Variants in SESTD1 observed in about 807,000 individuals in gnomAD.
The protein encoded by SESTD1 is SEC14 and spectrin domain containing 1.
In SESTD1, 43 loss-of-function variants were observed where a neutral mutation model predicts 101.7. The observed-to-expected ratio is 0.42, with a 90% CI of 0.33 to 0.55. The LOEUF is 0.55. Among genes scored for constraint, SESTD1 ranks in the 20% least tolerant of loss-of-function variants. SESTD1 has a pLI of 0.07. For missense variants in SESTD1, 647 were observed against 815.1 expected (o/e 0.79, Z 2.51); for synonymous variants, 283 against 286.8 (o/e 0.99, Z 0.13).
At chr2:179,203,870 C>T (rs1411954748) in intron 1 of SESTD1, among the ~76,000 whole-genome samples, 2 of 133,674 alleles carry the variant, frequency 1.5e-5, no homozygotes, top group Admixed American at 7.3e-5. Context: ...GAGTTGAGTC[C>T]AGCCTGGGCA....
intron 10 of SESTD1, among the ~76,000 whole-genome samples, chr2:179,130,504 C>T (rs1454995636): frequency 6.6e-6 from 1 of 152,012 alleles, no homozygotes; most frequent in Non-Finnish European, 1.5e-5. Context: ...ACATCATCTG[C>T]AATTTCATCC....
chr2:179,210,818 T>TG lies in SESTD1; in HGVS notation c.-25-18953dup, dbSNP rs750630410. 2.2e-5 allele frequency among the ~76,000 whole-genome samples: 3 copies of TG among 134,486 alleles called. 1 individual carries two copies. The highest frequency in any genetic ancestry group is 4.8e-5 in the Non-Finnish European group (3 of 62,668). The allele number at this position is 134,486 out of a possible 152,430, so 88.2% of individuals were successfully genotyped here. ...TAACCATTTCCATTCAACATAATAC[T>TG]GGAAGTCCTAGCCAGAGCAATCAGA... On this transcript the variant is annotated intron_variant, in intron 1 of 17. Transcript: ENST00000428443.
intron 1 of SESTD1, among the ~76,000 whole-genome samples, chr2:179,262,976 T>C (rs1158872): frequency 0.47 from 71,106 of 152,076 alleles, 20,176 homozygotes; most frequent in African/African-American, 0.8. Context: ...TCAATTCTTA[T>C]TCACAGGGGC....
At chr2:179,172,821 C>A (rs748399243) in intron 4 of SESTD1, among the ~76,000 whole-genome samples, 9 of 152,164 alleles carry the variant, frequency 5.9e-5, no homozygotes, top group African/African-American at 2.2e-4. Context: ...ATAAATATTT[C>A]ACATATATTT....
chr2:179,147,374 T>G (rs940353421), intron 7 of SESTD1, among the ~76,000 whole-genome samples: 10 of 151,670 alleles, frequency 6.6e-5, no homozygotes, highest in African/African-American at 2.4e-4. Context: ...TGTTTTTTTT[T>G]TTTTTGAGAC....
intron 15 of SESTD1, among the ~76,000 whole-genome samples, chr2:179,115,930 C>CATATAGGAAACTACATCTGTT (rs2044620869): frequency 6.6e-6 from 1 of 151,998 alleles, no homozygotes; most frequent in African/African-American, 2.4e-5. Context: ...CTTTATATTC[C>CATATAGGAAACTACATCTGTT]ATATAGGAAA....
chr2:179,161,076 T>C (rs1162645254), intron 5 of SESTD1, among the ~76,000 whole-genome samples: 1 of 45,372 alleles, frequency 2.2e-5, no homozygotes, highest in Non-Finnish European at 3.7e-5. Flanking sequence ...CATACCTAGC[T>C]TTTTTTTTTT....
chr2:179,221,366 A>G (rs1445325909), intron 1 of SESTD1, among the ~76,000 whole-genome samples: 1 of 151,832 alleles, frequency 6.6e-6, no homozygotes, highest in Non-Finnish European at 1.5e-5. Context: ...TAATCCTAGC[A>G]CTTTGGGAGG....
chr2:179,121,769 C>A lies in SESTD1; in HGVS notation c.1442+1G>T. Reference sequence around the variant, plus strand: ...AAAAGTAATTAACGGTCAAACTTTGCCTTTGTTTTCTAAGCTGCATATCTT... The same window carrying A: ...AAAAGTAATTAACGGTCAAACTTTGACTTTGTTTTCTAAGCTGCATATCTT... On this transcript the variant is annotated splice_donor_variant, in intron 13 of 17. Coordinates refer to ENST00000428443, the MANE Select transcript of SESTD1 (RefSeq NM_178123.5). LOFTEE classifies it high-confidence loss of function. 1.3e-6 allele frequency: 2 copies of A among 1,556,514 alleles called. No individual in the cohort carries two copies. The highest frequency in any genetic ancestry group is 2.3e-5 in the East Asian group (1 of 42,892).
At chr2:179,136,052 G>T (rs902827595) in intron 9 of SESTD1, among the ~76,000 whole-genome samples, 1 of 151,854 alleles carries the variant, frequency 6.6e-6, no homozygotes, top group Non-Finnish European at 1.5e-5. Flanking sequence ...ATTTTTTCAC[G>T]AAAGAGACAG....
intron 4 of SESTD1, among the ~76,000 whole-genome samples, chr2:179,175,664 G>C (rs778361689): frequency 6.6e-6 from 1 of 152,144 alleles, no homozygotes; most frequent in Non-Finnish European, 1.5e-5. Flanking sequence ...CCCTTCTACA[G>C]AAGGCCAAGT....
chr2:179,156,108 G>GTATA (rs534124801), intron 5 of SESTD1, among the ~76,000 whole-genome samples: 27 of 150,704 alleles, frequency 1.8e-4, no homozygotes, highest in Middle Eastern at 3.4e-3. Context: ...CATCATACGT[G>GTATA]TATATATATA....
chr2:179,175,476 A>G (rs1190271549), intron 4 of SESTD1, among the ~76,000 whole-genome samples: 1 of 152,130 alleles, frequency 6.6e-6, no homozygotes, highest in African/African-American at 2.4e-5. Flanking sequence ...TATCCACTTA[A>G]GTGAATTCTT....
At chr2:179,114,742 A>C (rs1254118714) in intron 16 of SESTD1, among the ~76,000 whole-genome samples, 1 of 152,190 alleles carries the variant, frequency 6.6e-6, no homozygotes, top group Non-Finnish European at 1.5e-5. Flanking sequence ...AGGCATAACG[A>C]AAGAGATTGA....
At chr2:179,213,473 A>G (rs1157735747) in intron 1 of SESTD1, among the ~76,000 whole-genome samples, 1 of 134,796 alleles carries the variant, frequency 7.4e-6, no homozygotes, top group Non-Finnish European at 1.6e-5. Context: ...GAAACGAACA[A>G]AGCCTCCAAG....
chr2:179,107,288 G>T lies in SESTD1; in HGVS notation c.*2611C>A, dbSNP rs2044404977. On this transcript the variant is annotated 3_prime_UTR_variant, in exon 18 of 18. Coordinates refer to ENST00000428443, the MANE Select transcript of SESTD1 (RefSeq NM_178123.5). ...TGAAAGCAGCAGCAAATTTACAGATGAGGAGCAATGATATTCATTATGTTA... is the reference window on the plus strand; with the variant it reads ...TGAAAGCAGCAGCAAATTTACAGATTAGGAGCAATGATATTCATTATGTTA... 6.6e-6 allele frequency: 1 copy of T among 152,142 alleles called. No individual in the cohort carries two copies. The allele number at this position is 152,142 out of a possible 1,614,324, so 9.4% of individuals were successfully genotyped here.
intron 1 of SESTD1, among the ~76,000 whole-genome samples, chr2:179,202,548 A>G (rs2046534145): frequency 7.4e-6 from 1 of 135,020 alleles, no homozygotes; most frequent in Non-Finnish European, 1.6e-5. Flanking sequence ...CCTGCTGAAC[A>G]CATACTTTCT....
intron 1 of SESTD1, among the ~76,000 whole-genome samples, chr2:179,228,924 C>T (rs1010680574): frequency 1.1e-4 from 17 of 151,962 alleles, no homozygotes; most frequent in African/African-American, 3.9e-4. Flanking sequence ...AAAGTGGGGG[C>T]TGGAGGCAAG....
intron 5 of SESTD1, among the ~76,000 whole-genome samples, chr2:179,169,212 C>A (rs902719640): frequency 3.9e-4 from 59 of 152,108 alleles, no homozygotes; most frequent in African/African-American, 1.4e-3. Flanking sequence ...ACAAAAAATT[C>A]ATTTTAAATA....
Sources: allele counts gnomAD v4.1 joint callset (sites outside exome capture counted in the v4.1 genomes callset), GRCh38; gene constraint gnomAD v4.1.1; transcripts MANE v1.5; gene names NCBI Gene and HGNC (gene_info 2026-07-23, HGNC 2026-07-21).